Variants in FADS2 observed in about 807,000 individuals in gnomAD.
FADS2 encodes fatty acid desaturase 2.
Under a neutral mutation model 61.2 loss-of-function variants are expected in FADS2, and 18 were observed. That is an observed-to-expected ratio of 0.29 (90% CI 0.20 to 0.44). FADS2 has a LOEUF of 0.44. Ranked by LOEUF, FADS2 falls within the 20% of genes least tolerant of loss-of-function variation. The pLI is 1.00. For synonymous variants in FADS2, 203 were observed against 223.9 expected, an observed-to-expected ratio of 0.91 and a Z score of 0.83; for missense variants, 322 against 572.7, an observed-to-expected ratio of 0.56 and a Z score of 4.47.
chr11:61,861,448 C>T (rs2067416355), intron 7 of FADS2, among the ~76,000 whole-genome samples: 2 of 151,152 alleles, frequency 1.3e-5, no homozygotes, highest in South Asian at 2.1e-4. Flanking sequence ...CACCATTGCA[C>T]TCCAGCCTGG....
chr11:61,844,274 C>T (rs142263526), intron 4 of FADS2, among the ~76,000 whole-genome samples: 3 of 152,026 alleles, frequency 2.0e-5, no homozygotes, highest in Non-Finnish European at 2.9e-5. Context: ...TAGTTAAGAC[C>T]GGGCGAGGTG....
rs550674016 is a variant in FADS2, at chr11:61,862,554, C to G, written c.883-418C>G. On this transcript the variant is annotated intron_variant, in intron 7 of 11. Transcript: ENST00000278840. ...CTACCCCTCCAAGCCCTCTGTCCTG[C>G]TGGAAGGAGATGCCAGGAGGAGACC... The G allele has an allele frequency of 6.1e-5, 14 of 227,944 alleles. No homozygotes were observed. In the South Asian group the frequency reaches 8.6e-4, roughly 14 times the overall value. 14.1% of individuals were successfully genotyped at this position (227,944 alleles called of 1,614,324 possible).
At chr11:61,849,992 A>T (rs746854317) in intron 5 of FADS2, among the ~76,000 whole-genome samples, 1 of 152,214 alleles carries the variant, frequency 6.6e-6, no homozygotes, top group Non-Finnish European at 1.5e-5. Flanking sequence ...TGATTGCACC[A>T]CTGCACTCCA....
chr11:61,827,960 A>T, upstream of FADS2: 1 of 860,856 alleles, frequency 1.2e-6, no homozygotes, highest in Non-Finnish European at 1.4e-6. This position sits in a 1 kb window ranked among gnomAD's most constrained non-coding sequence, Gnocchi z 4.5. Context: ...AGGCGGGGCG[A>T]CGCGACCGGA....
chr11:61,865,440 C>A lies in FADS2; in HGVS notation c.1283+163C>A. The A allele has an allele frequency of 3.0e-6, 3 of 997,582 alleles. No individual in the cohort carries two copies. The highest frequency in any genetic ancestry group is 2.9e-6 in the Non-Finnish European group (2 of 681,906). The allele number at this position is 997,582 out of a possible 1,614,324, so 61.8% of individuals were successfully genotyped here. A position where few individuals can be genotyped will look rare whatever the true frequency, so the allele number is the denominator to read the frequency against. Reference sequence around the variant, plus strand: ...CTGTTGGGCTTTTCTCCCTGGGCTGCGAGAAGACCATCCCTTTCTGTGTGG... The same window carrying A: ...CTGTTGGGCTTTTCTCCCTGGGCTGAGAGAAGACCATCCCTTTCTGTGTGG... On this transcript the variant is annotated intron_variant, in intron 11 of 11. Transcript: ENST00000278840. This position sits in a 1 kb window ranked among gnomAD's most constrained non-coding sequence, Gnocchi z 4.1.
chr11:61,846,600 T>G (rs2135966217), intron 4 of FADS2: 1 of 152,272 alleles, frequency 6.6e-6, no homozygotes, highest in South Asian at 2.1e-4. Context: ...AGGCATTTTT[T>G]GCAAACCCTT....
intron 1 of FADS2, among the ~76,000 whole-genome samples, chr11:61,830,386 C>T (rs931398246): frequency 6.6e-6 from 1 of 152,192 alleles, no homozygotes; most frequent in Non-Finnish European, 1.5e-5. Flanking sequence ...GTTTAATTAC[C>T]ATATCAGATT....
At chr11:61,830,230 T>A (rs1191817541) in intron 1 of FADS2, among the ~76,000 whole-genome samples, 2 of 152,210 alleles carry the variant, frequency 1.3e-5, no homozygotes, top group Non-Finnish European at 2.9e-5. Flanking sequence ...AGGTAAATTG[T>A]AGAAGGTTCC....
chr11:61,863,315 A>C lies in FADS2; in HGVS notation c.1014A>C (p.Thr338=). ...AGAGCCACTGGTTTGTGTGGGTCAC[A>C]CAGATGAATCACATCGTCATGGAGA... The part of the protein sequence containing the change: ...FLESHWFVWV[T]QMNHIVMEID... The change falls in exon 9 of 12, where the codon ACA becomes ACC. Residue 338 remains threonine, a synonymous_variant. Coordinates refer to ENST00000278840, the MANE Select transcript of FADS2 (RefSeq NM_004265.4). The C allele has an allele frequency of 6.2e-7, 1 of 1,614,100 alleles. No homozygotes were observed. The highest frequency in any genetic ancestry group is 8.5e-7 in the Non-Finnish European group (1 of 1,179,996).
intron 2 of FADS2, among the ~76,000 whole-genome samples, chr11:61,838,447 G>A (rs958177888): frequency 6.6e-6 from 1 of 152,164 alleles, no homozygotes; most frequent in Non-Finnish European, 1.5e-5. Flanking sequence ...GGAGGCAGGG[G>A]CAGGGCAGGA....
chr11:61,853,517 T>G (rs939715705), intron 5 of FADS2, among the ~76,000 whole-genome samples: 13 of 152,108 alleles, frequency 8.5e-5, no homozygotes, highest in African/African-American at 2.7e-4. Context: ...CTGAGGGGGC[T>G]GGTGAGACCA....
upstream of FADS2, chr11:61,826,160 C>T: frequency 1.4e-6 from 1 of 702,648 alleles, no homozygotes; most frequent in Non-Finnish European, 2.6e-6. Flanking sequence ...CTTCCTACCC[C>T]TTACTGAGGC....
upstream of FADS2, among the ~76,000 whole-genome samples, chr11:61,824,480 G>GAC (rs753472830): frequency 2.2e-4 from 3 of 13,930 alleles, 1 homozygote; most frequent in Non-Finnish European, 5.0e-4. Flanking sequence ...GAGAGAGAGA[G>GAC]AGAGAGAGAG....
intron 4 of FADS2, among the ~76,000 whole-genome samples, chr11:61,841,734 C>G (rs2067218688): frequency 6.6e-6 from 1 of 152,056 alleles, no homozygotes; most frequent in Non-Finnish European, 1.5e-5. Flanking sequence ...TTATCTCAAG[C>G]CACTTCAAAT....
chr11:61,866,050 T>C lies in FADS2; in HGVS notation c.*361T>C. 2.4e-6 allele frequency: 1 copy of C among 412,130 alleles called. No homozygotes were observed. The highest frequency in any genetic ancestry group is 4.3e-6 in the Non-Finnish European group (1 of 233,908). The allele number at this position is 412,130 out of a possible 1,614,324, so 25.5% of individuals were successfully genotyped here. ...GCGGTCCATGGGTCTGGCCTGTGAG[T>C]CTCCCCTTGCAGCCTGGTCACTAGG... On this transcript the variant is annotated 3_prime_UTR_variant, in exon 12 of 12. Transcript: ENST00000278840.
chr11:61,866,288 GC>G lies in FADS2; in HGVS notation c.*603del. ...CGAGGCCTCTCTTAAGATGTCCAGG[GC>G]CCCAGGCCCGCGGGCACAGCCAGCC... is the stretch of plus-strand genomic sequence containing the variant. On this transcript the variant is annotated 3_prime_UTR_variant, in exon 12 of 12. Transcript: ENST00000278840. 3.2e-6 allele frequency: 1 copy of G among 308,394 alleles called. No homozygotes were observed. Among genetic ancestry groups the G allele is most frequent in the East Asian group, 5.1e-5 (1 of 19,530 alleles). 19.1% of individuals were successfully genotyped at this position (308,394 alleles called of 1,614,324 possible).
At position 61,840,322 on chromosome 11, in the gene FADS2, C is replaced by A; in HGVS notation, c.319-12C>A. The stretch of plus-strand genomic sequence containing the variant: ...GGTGGCTGACTCCTTTCCCTGTGCT[C>A]TTGGTCAACAGTCAAAGATCACTGA... On this transcript the variant is annotated splice_polypyrimidine_tract_variant and intron_variant, in intron 2 of 11. Coordinates refer to ENST00000278840, the MANE Select transcript of FADS2 (RefSeq NM_004265.4). 1 of 1,612,862 alleles carries A rather than the reference C, an allele frequency of 6.2e-7. No homozygotes were observed. Among genetic ancestry groups the A allele is most frequent in the Non-Finnish European group, 8.5e-7 (1 of 1,179,042 alleles).
intron 7 of FADS2, among the ~76,000 whole-genome samples, chr11:61,859,362 A>T (rs560498067): frequency 2.6e-5 from 4 of 152,204 alleles, no homozygotes; most frequent in Non-Finnish European, 4.4e-5. Context: ...CGGCCTGTTG[A>T]TTACTGTTTT....
At chr11:61,860,769 C>T (rs576450253) in intron 7 of FADS2, among the ~76,000 whole-genome samples, 27 of 152,122 alleles carry the variant, frequency 1.8e-4, no homozygotes, top group African/African-American at 5.8e-4. Context: ...AAAAGCTGGG[C>T]GTGGTGATGC....
Sources: gnomAD v4.1 joint callset for allele counts (sites outside exome capture counted in the v4.1 genomes callset) on GRCh38, gnomAD v4.1.1 for gene constraint, Gnocchi (gnomAD v3.1) non-coding constraint, MANE v1.5 for transcripts, NCBI Gene and HGNC (gene_info 2026-07-23, HGNC 2026-07-21) for gene names.